Variants in CDK15 observed in about 807,000 individuals in gnomAD.
CDK15 encodes cyclin dependent kinase 15.
A neutral mutation model predicts 60.3 loss-of-function variants in CDK15; 62 were observed. That is an observed-to-expected ratio of 1.03 (90% confidence interval 0.84 to 1.27). The LOEUF (loss-of-function observed/expected upper bound fraction) is 1.27, where lower values mean the gene tolerates loss of function less well. Among genes scored for constraint, CDK15 ranks in the 50% most tolerant of loss-of-function variants. CDK15 has a pLI of 0.00. For missense variants in CDK15, 541 were observed against 527.8 expected, an observed-to-expected ratio of 1.03 and a Z score of -0.25; for synonymous variants, 194 against 195.7, an observed-to-expected ratio of 0.99 and a Z score of 0.07.
At chr2:201,821,839 C>A (rs1423271922) in intron 4 of CDK15, among the ~76,000 whole-genome samples, 3 of 152,128 alleles carry the variant, frequency 2.0e-5, no homozygotes, top group African/African-American at 7.2e-5. Flanking sequence ...CCCCACCACG[C>A]CCGGCTAATT....
chr2:201,809,022 T>A (rs1695638012), intron 3 of CDK15, among the ~76,000 whole-genome samples: 1 of 152,152 alleles, frequency 6.6e-6, no homozygotes, highest in African/African-American at 2.4e-5. Context: ...CCTCCTGAGT[T>A]CAAGCAACTC....
intron 10 of CDK15, among the ~76,000 whole-genome samples, chr2:201,866,864 GC>G (rs1318910623): frequency 1.3e-5 from 2 of 152,146 alleles, no homozygotes; most frequent in African/African-American, 4.8e-5. Context: ...CAGGCGATGG[GC>G]TTTGCTTCTG....
At chr2:201,815,747 A>G (rs1210242509) in intron 4 of CDK15, among the ~76,000 whole-genome samples, 1 of 152,164 alleles carries the variant, frequency 6.6e-6, no homozygotes, top group Non-Finnish European at 1.5e-5. Context: ...TGTTAATAGC[A>G]TTTTTCTTAG....
intron 9 of CDK15, among the ~76,000 whole-genome samples, chr2:201,851,929 G>A (rs1331190997): frequency 6.6e-6 from 1 of 152,180 alleles, no homozygotes; most frequent in Non-Finnish European, 1.5e-5. Context: ...AAAGTGCTGA[G>A]ATTACAGGCG....
intron 8 of CDK15, among the ~76,000 whole-genome samples, chr2:201,839,708 G>A (rs941346554): frequency 2.0e-5 from 3 of 151,736 alleles, no homozygotes; most frequent in Admixed American, 6.6e-5. Context: ...ATAAAATAAC[G>A]AAACAAAAGT....
intron 12 of CDK15, among the ~76,000 whole-genome samples, chr2:201,886,166 G>A (rs1699442509): frequency 6.6e-6 from 1 of 152,048 alleles, no homozygotes; most frequent in African/African-American, 2.4e-5. Context: ...CACATCTCCA[G>A]GTAGCGTGTT....
intron 8 of CDK15, among the ~76,000 whole-genome samples, chr2:201,845,066 T>C (rs34792934): frequency 0.53 from 79,632 of 151,662 alleles, 23,316 homozygotes; most frequent in Admixed American, 0.65. Flanking sequence ...GGAGAATCAC[T>C]TGAACCTGGG....
rs193601 is a variant in CDK15, at chr2:201,832,288, C to A, written c.607-1560C>A. Among the ~76,000 whole-genome samples the A allele has an allele frequency of 8.0e-3, 1,215 of 152,326 alleles. 9 individuals carry two copies. The highest frequency in any genetic ancestry group is 0.013 in the Non-Finnish European group (906 of 68,042). On this transcript the variant is annotated intron_variant, in intron 6 of 13. Coordinates refer to ENST00000652192, the MANE Select transcript of CDK15 (RefSeq NM_001366386.2). ...CTCGAACTCCTGACCTCAGGTGATC[C>A]GCTCGCTTTGGTCTTCCAAAGTGCT...
intron 4 of CDK15, among the ~76,000 whole-genome samples, chr2:201,815,595 A>C (rs1695954841): frequency 6.6e-6 from 1 of 152,250 alleles, no homozygotes; most frequent in African/African-American, 2.4e-5. Context: ...TCATTTGAAT[A>C]GGCTAATGTG....
At chr2:201,871,364 G>A (rs534073156) in intron 10 of CDK15, among the ~76,000 whole-genome samples, 1 of 151,868 alleles carries the variant, frequency 6.6e-6, no homozygotes, top group South Asian at 2.1e-4. Context: ...GTCCAAGTTG[G>A]TCTTGAACTC....
At chr2:201,873,189 T>C (rs1416442182) in intron 11 of CDK15, among the ~76,000 whole-genome samples, 1 of 152,204 alleles carries the variant, frequency 6.6e-6, no homozygotes, top group South Asian at 2.1e-4. Context: ...AGCCTCCACG[T>C]AGAATAAAAT....
At chr2:201,847,899 A>C (rs1697739561) in intron 9 of CDK15, among the ~76,000 whole-genome samples, 3 of 152,170 alleles carry the variant, frequency 2.0e-5, no homozygotes, top group African/African-American at 7.2e-5. Flanking sequence ...TAATCCCAGC[A>C]CTTTGGGATT....
At chr2:201,849,267 C>T (rs940231879) in intron 9 of CDK15, among the ~76,000 whole-genome samples, 2 of 152,206 alleles carry the variant, frequency 1.3e-5, no homozygotes, top group Admixed American at 6.5e-5. Flanking sequence ...TTGCTTTCTT[C>T]CTGTCCCATA....
intron 10 of CDK15, among the ~76,000 whole-genome samples, chr2:201,857,904 C>G (rs1403803249): frequency 6.6e-6 from 1 of 152,124 alleles, no homozygotes. Context: ...TTAAGGGGAG[C>G]AGAAGACAAG....
chr2:201,825,503 G>GA lies in CDK15; in HGVS notation c.606+1787dup, dbSNP rs11344911. On this transcript the variant is annotated intron_variant, in intron 6 of 13. Coordinates refer to ENST00000652192, the MANE Select transcript of CDK15 (RefSeq NM_001366386.2). ...TTGAGGACAAAGGGTTAAAGAGAGTGAAAAAAAAAAATTAAAATACCAGTT... is the reference window on the plus strand; with the variant it reads ...TTGAGGACAAAGGGTTAAAGAGAGTGAAAAAAAAAAAATTAAAATACCAGTT... Among the ~76,000 whole-genome samples, 726 of 150,570 alleles carry GA rather than the reference G, an allele frequency of 4.8e-3. 9 individuals are homozygous for GA. The highest frequency in any genetic ancestry group is 5.4e-3 in the Non-Finnish European group (368 of 67,656).
intron 10 of CDK15, among the ~76,000 whole-genome samples, chr2:201,869,010 C>T (rs1698748050): frequency 5.3e-5 from 8 of 152,072 alleles, no homozygotes; most frequent in Admixed American, 5.2e-4. Flanking sequence ...ACCATTTGAC[C>T]CAGCAATCCC....
At chr2:201,832,779 A>G (rs530213946) in intron 6 of CDK15, among the ~76,000 whole-genome samples, 10 of 152,324 alleles carry the variant, frequency 6.6e-5, no homozygotes, top group African/African-American at 2.4e-4. Context: ...TGGTCCTAGC[A>G]TCTCTGAAAG....
intron 12 of CDK15, among the ~76,000 whole-genome samples, chr2:201,890,479 T>A (rs966649259): frequency 6.6e-6 from 1 of 152,230 alleles, no homozygotes; most frequent in Non-Finnish European, 1.5e-5. Flanking sequence ...TGTGCCTCAC[T>A]TTTGGTCCTT....
At chr2:201,873,968 C>T (rs1295521504) in intron 11 of CDK15, among the ~76,000 whole-genome samples, 2 of 148,406 alleles carry the variant, frequency 1.3e-5, no homozygotes, top group African/African-American at 2.6e-5. Context: ...GCATGAGAAT[C>T]GCTTGAACCC....
Sources: allele counts gnomAD v4.1 joint callset (sites outside exome capture counted in the v4.1 genomes callset), GRCh38; gene constraint gnomAD v4.1.1; transcripts MANE v1.5; gene names NCBI Gene and HGNC (gene_info 2026-07-23, HGNC 2026-07-21).